The following EIPR1 variants were observed in gnomAD, a reference collection of about 807,000 sequenced individuals.
EIPR1 encodes the protein EARP complex and GARP complex interacting protein 1, also known as EARP and GARP complex-interacting protein 1.
A neutral mutation model predicts 48.1 loss-of-function variants in EIPR1; 25 were observed. The ratio of observed to expected loss-of-function variants is 0.52; its 90% CI spans 0.38 to 0.73. The LOEUF (loss-of-function observed/expected upper bound fraction) is 0.73. Among genes scored for constraint, EIPR1 ranks in the 30% least tolerant of loss-of-function variants. The pLI is 0.00. For missense variants in EIPR1, 415 were observed against 506.2 expected, an observed-to-expected ratio of 0.82 and a Z score of 1.73; for synonymous variants, 204 against 201.9, an observed-to-expected ratio of 1.01 and a Z score of -0.09.
intron 8 of EIPR1, among the ~76,000 whole-genome samples, chr2:3,190,056 C>A (rs1664550407): frequency 6.6e-6 from 1 of 152,072 alleles, no homozygotes; most frequent in Admixed American, 6.5e-5. Flanking sequence ...GAGGAAGACG[C>A]CCTGGCCCTG....
At chr2:3,375,179 A>G (rs1307530916) in intron 1 of EIPR1, among the ~76,000 whole-genome samples, 1 of 143,534 alleles carries the variant, frequency 7.0e-6, no homozygotes, top group Non-Finnish European at 1.5e-5. Flanking sequence ...GAATTGAACA[A>G]TGAGAACACA....
In EIPR1 at chr2:3,295,565, CCACA is replaced by C. The variant is rs201282142; in HGVS notation, c.260-38114_260-38111del. ...ACCCTCCATCCAGCCCATCCTCTCT[CCACA>C]CACACACCCTCCATCCAGCCCTCCT... On this transcript the variant is annotated intron_variant, in intron 3 of 8. Coordinates refer to ENST00000382125, the MANE Select transcript of EIPR1 (RefSeq NM_003310.5). Among the ~76,000 whole-genome samples, 19 of 75,090 alleles carry C rather than the reference CCACA, an allele frequency of 2.5e-4. 1 individual carries two copies. Among genetic ancestry groups the C allele is most frequent in the Non-Finnish European group, 3.0e-4 (11 of 37,050 alleles). 49.3% of individuals were successfully genotyped at this position (75,090 alleles called of 152,430 possible). A position where few individuals can be genotyped will look rare whatever the true frequency, so the allele number is the denominator to read the frequency against.
intron 1 of EIPR1, among the ~76,000 whole-genome samples, chr2:3,364,250 TGGAATCA>T: frequency 6.6e-6 from 1 of 152,148 alleles, no homozygotes; most frequent in Non-Finnish European, 1.5e-5. Flanking sequence ...AGCCAAGACA[TGGAATCA>T]ACCTAAGTGC....
chr2:3,319,705 A>AACACCACCCCTGCG (rs1558295774), intron 3 of EIPR1: 11,959 of 153,898 alleles, frequency 0.078, 791 homozygotes, highest in Non-Finnish European at 0.1. Context: ...CCACCCCTGC[A>AACACCACCCCTGCG]GGCAACACCA....
At chr2:3,267,917 G>T (rs1213739300) in intron 3 of EIPR1, among the ~76,000 whole-genome samples, 1 of 152,244 alleles carries the variant, frequency 6.6e-6, no homozygotes, top group Non-Finnish European at 1.5e-5. Flanking sequence ...TGCCACCTCA[G>T]GTGCTGAAGG....
chr2:3,303,967 C>T (rs1558285449), intron 3 of EIPR1, among the ~76,000 whole-genome samples: 1 of 152,248 alleles, frequency 6.6e-6, no homozygotes, highest in Non-Finnish European at 1.5e-5. Flanking sequence ...AAAACCCTAT[C>T]ACTCAAATCT....
intron 3 of EIPR1, among the ~76,000 whole-genome samples, chr2:3,266,709 C>T (rs1476167110): frequency 6.6e-6 from 1 of 152,146 alleles, no homozygotes; most frequent in Non-Finnish European, 1.5e-5. Context: ...GTCAGGGGCT[C>T]GCTGGCCGTG....
intron 2 of EIPR1, among the ~76,000 whole-genome samples, chr2:3,340,220 T>G (rs1177550930): frequency 1.3e-5 from 2 of 152,236 alleles, no homozygotes; most frequent in African/African-American, 2.4e-5. Flanking sequence ...ATTCTGGACT[T>G]GCTCAGAGTG....
intron 1 of EIPR1, among the ~76,000 whole-genome samples, chr2:3,367,544 A>G (rs1160473278): frequency 1.3e-5 from 2 of 152,240 alleles, no homozygotes; most frequent in Non-Finnish European, 2.9e-5. Flanking sequence ...AACGAAGAAA[A>G]TACACAGATA....
At chr2:3,372,433 G>A (rs1308994654) in intron 1 of EIPR1, among the ~76,000 whole-genome samples, 1 of 151,232 alleles carries the variant, frequency 6.6e-6, no homozygotes, top group African/African-American at 2.4e-5. Flanking sequence ...AAAAATTAAT[G>A]AATCCAGGAG....
At chr2:3,321,409 G>A (rs563436598) in intron 3 of EIPR1, among the ~76,000 whole-genome samples, 111 of 152,268 alleles carry the variant, frequency 7.3e-4, no homozygotes, top group African/African-American at 2.6e-3. Context: ...CCGCCGCCCC[G>A]TCTTTAAGCA....
intron 4 of EIPR1, among the ~76,000 whole-genome samples, chr2:3,249,249 G>A (rs1445722979): frequency 1.3e-5 from 2 of 152,238 alleles, no homozygotes; most frequent in African/African-American, 4.8e-5. Context: ...TGAGGTCTCA[G>A]ATGGAAATGA....
intron 5 of EIPR1, chr2:3,207,986 C>A (rs4854136): frequency 2.0e-5 from 3 of 152,718 alleles, no homozygotes; most frequent in Non-Finnish European, 2.9e-5. Flanking sequence ...AACAAATATC[C>A]AAAACATAAA....
intron 3 of EIPR1, among the ~76,000 whole-genome samples, chr2:3,299,624 T>TCTCACA (rs948461650): frequency 9.5e-5 from 13 of 136,814 alleles, no homozygotes; most frequent in East Asian, 4.2e-4. Context: ...TCTCTCTCTC[T>TCTCACA]CACACACACA....
chr2:3,311,527 C>G (rs1374232725), intron 3 of EIPR1, among the ~76,000 whole-genome samples: 1 of 152,188 alleles, frequency 6.6e-6, no homozygotes, highest in Non-Finnish European at 1.5e-5. Context: ...ATGTGGCATT[C>G]TCTTACAACA....
At chr2:3,374,654 G>A (rs1659813336) in intron 1 of EIPR1, among the ~76,000 whole-genome samples, 2 of 151,022 alleles carry the variant, frequency 1.3e-5, no homozygotes, top group South Asian at 2.1e-4. Flanking sequence ...GGCCATCAGA[G>A]AAATGCAAAT....
rs139259335 is a variant in EIPR1 at position 3,270,520 on chromosome 2, C to T, written c.260-13065G>A. ...ACTTATTGCAGGCTTGGTTCTAGAC[C>T]ACCACAATAACATTAATATTGCAAA... On this transcript the variant is annotated intron_variant, in intron 3 of 8. Coordinates refer to ENST00000382125, the MANE Select transcript of EIPR1 (RefSeq NM_003310.5). Among the ~76,000 whole-genome samples the T allele has an allele frequency of 1.3e-3, 201 of 152,282 alleles. 1 individual carries two copies. Among genetic ancestry groups the T allele is most frequent in the African/African-American group, 4.6e-3 (191 of 41,530 alleles).
intron 1 of EIPR1, among the ~76,000 whole-genome samples, chr2:3,362,269 G>C (rs1255178813): frequency 6.6e-6 from 1 of 150,712 alleles, no homozygotes; most frequent in Non-Finnish European, 1.5e-5. Flanking sequence ...TTCATACACA[G>C]GGGGATGTGC....
intron 4 of EIPR1, among the ~76,000 whole-genome samples, chr2:3,251,182 T>TCTG (rs1373231516): frequency 1.3e-5 from 2 of 152,150 alleles, no homozygotes; most frequent in African/African-American, 4.8e-5. Context: ...AGGGAACTCA[T>TCTG]CTGAATGATT....
Sources: allele counts gnomAD v4.1 joint callset (sites outside exome capture counted in the v4.1 genomes callset), GRCh38; gene constraint gnomAD v4.1.1; transcripts MANE v1.5; gene names NCBI Gene and HGNC (gene_info 2026-07-23, HGNC 2026-07-21).